The following CLSTN2 variants were observed in gnomAD, a reference collection of about 807,000 sequenced individuals.
CLSTN2 encodes calsyntenin-2.
In CLSTN2, 48 loss-of-function variants were observed where a neutral mutation model predicts 101.2. That is an observed-to-expected ratio of 0.47 (90% CI 0.38 to 0.60). The LOEUF (loss-of-function observed/expected upper bound fraction) is 0.60. Ranked by LOEUF, CLSTN2 falls within the 20% of genes least tolerant of loss-of-function variation. The probability of loss-of-function intolerance (pLI) is 0.00; values close to 1 mark genes in which losing one functional copy is unlikely to be tolerated. For missense variants in CLSTN2, 1,160 were observed against 1,238.2 expected, an observed-to-expected ratio of 0.94 and a Z score of 0.95; for synonymous variants, 481 against 463.6, an observed-to-expected ratio of 1.04 and a Z score of -0.48.
chr3:140,152,719 C>T (rs1478376892), intron 1 of CLSTN2, among the ~76,000 whole-genome samples: 1 of 152,146 alleles, frequency 6.6e-6, no homozygotes, highest in Non-Finnish European at 1.5e-5. Flanking sequence ...TACTGCTTTC[C>T]TTAACCCCTA....
At chr3:140,522,330 T>A (rs1380362201) in intron 8 of CLSTN2, among the ~76,000 whole-genome samples, 2 of 151,318 alleles carry the variant, frequency 1.3e-5, no homozygotes, top group Non-Finnish European at 2.9e-5. Context: ...ATTGGCCATG[T>A]TGGCCCCCAG....
intron 1 of CLSTN2, among the ~76,000 whole-genome samples, chr3:140,027,829 G>A (rs1008790135): frequency 6.6e-6 from 1 of 152,206 alleles, no homozygotes; most frequent in Non-Finnish European, 1.5e-5. Context: ...CAAAAGAGAA[G>A]GGATAGAGCA....
At chr3:140,019,341 G>T (rs1311783360) in intron 1 of CLSTN2, among the ~76,000 whole-genome samples, 1 of 152,126 alleles carries the variant, frequency 6.6e-6, no homozygotes, top group African/African-American at 2.4e-5. Flanking sequence ...ATCATTTGAA[G>T]GCCTGAATAG....
At chr3:140,463,537 G>C (rs752117286) in intron 7 of CLSTN2, among the ~76,000 whole-genome samples, 3 of 152,210 alleles carry the variant, frequency 2.0e-5, no homozygotes, top group Non-Finnish European at 4.4e-5. Flanking sequence ...TTTGCTGCCA[G>C]TTGGCTGAGC....
At chr3:140,236,863 G>A (rs1327208184) in intron 2 of CLSTN2, among the ~76,000 whole-genome samples, 2 of 119,302 alleles carry the variant, frequency 1.7e-5, no homozygotes, top group African/African-American at 7.3e-5. Context: ...GTGTGTGTGT[G>A]TATATAAATT....
chr3:140,220,392 A>G (rs960053908), intron 2 of CLSTN2, among the ~76,000 whole-genome samples: 55 of 152,234 alleles, frequency 3.6e-4, no homozygotes, highest in African/African-American at 1.0e-3. Context: ...GGGCATTAGC[A>G]GGACCATTAT....
chr3:140,290,680 T>C (rs2086938756), intron 2 of CLSTN2, among the ~76,000 whole-genome samples: 1 of 152,250 alleles, frequency 6.6e-6, no homozygotes, highest in Non-Finnish European at 1.5e-5. Flanking sequence ...GGTTGACCGC[T>C]AGCTTTGGAG....
In CLSTN2 at chr3:140,566,354, T is replaced by C. The variant is rs1936027555; in HGVS notation, c.*101T>C. 8.1e-7 allele frequency: 1 copy of C among 1,230,298 alleles called. No homozygotes were observed. The highest frequency in any genetic ancestry group is 2.7e-4 in the Middle Eastern group (1 of 3,640). 76.2% of individuals were successfully genotyped at this position (1,230,298 alleles called of 1,614,324 possible). On this transcript the variant is annotated 3_prime_UTR_variant, in exon 17 of 17. Transcript: ENST00000458420. The stretch of plus-strand genomic sequence containing the variant: ...CCTCACCTCTGATGTCTGTGACATG[T>C]CTGGGAAGGCCTTCTCCAGCTTCCT...
intron 2 of CLSTN2, among the ~76,000 whole-genome samples, chr3:140,319,029 A>G (rs938756964): frequency 6.6e-6 from 1 of 152,226 alleles, no homozygotes. Context: ...GAGTTAAATT[A>G]TCCCTGAATT....
chr3:140,347,388 G>A (rs1025440050), intron 2 of CLSTN2, among the ~76,000 whole-genome samples: 1 of 152,220 alleles, frequency 6.6e-6, no homozygotes, highest in Non-Finnish European at 1.5e-5. Flanking sequence ...TGTTAACAAG[G>A]AGGTGCTCCA....
intron 11 of CLSTN2, among the ~76,000 whole-genome samples, chr3:140,558,077 C>G (rs1184746081): frequency 6.6e-6 from 1 of 152,220 alleles, no homozygotes; most frequent in Non-Finnish European, 1.5e-5. Context: ...TTGTCTGTCT[C>G]AGACCTCGCT....
At position 140,556,700 on chromosome 3, in the gene CLSTN2, G is replaced by A. The variant is rs754185438; in HGVS notation, c.1823+39G>A. 11 of 1,601,546 alleles carry A rather than the reference G, an allele frequency of 6.9e-6. No individual in the cohort carries two copies. In the South Asian group the frequency reaches 1.2e-4, roughly 18 times the overall value. On this transcript the variant is annotated intron_variant, in intron 11 of 16. Transcript: ENST00000458420. ...GGTCAGCCTGGGGCCAACTGAGGCA[G>A]CAGTTGGGAAGGTCCCAACTGAGGT...
intron 2 of CLSTN2, among the ~76,000 whole-genome samples, chr3:140,186,873 T>C (rs2010492438): frequency 6.6e-6 from 1 of 152,118 alleles, no homozygotes; most frequent in African/African-American, 2.4e-5. Context: ...GGATTCTTTC[T>C]GCACATTAAT....
At chr3:140,549,793 C>T (rs939452414) in intron 10 of CLSTN2, among the ~76,000 whole-genome samples, 3 of 150,364 alleles carry the variant, frequency 2.0e-5, no homozygotes, top group Non-Finnish European at 4.4e-5. Flanking sequence ...TCCCACCTCT[C>T]TGGCTGGTCG....
chr3:140,442,262 G>A (rs892859942), intron 5 of CLSTN2, among the ~76,000 whole-genome samples: 7 of 151,992 alleles, frequency 4.6e-5, no homozygotes, highest in Admixed American at 3.9e-4. Flanking sequence ...CCTTTTTGGG[G>A]CTTTTACACT....
chr3:140,171,674 G>GTATTATA, intron 1 of CLSTN2, among the ~76,000 whole-genome samples: 2 of 11,988 alleles, frequency 1.7e-4, no homozygotes, highest in African/African-American at 4.2e-4. Flanking sequence ...TATATAATAT[G>GTATTATA]TATTATATAT....
intron 1 of CLSTN2, among the ~76,000 whole-genome samples, chr3:139,958,287 C>A (rs1486466591): frequency 1.3e-5 from 2 of 152,154 alleles, no homozygotes; most frequent in African/African-American, 4.8e-5. Flanking sequence ...ATATTGCTGG[C>A]CACTCTTGGG....
At chr3:140,176,101 C>A in intron 2 of CLSTN2, 28 bp downstream of exon 2, 1 of 1,611,526 alleles carries the variant, frequency 6.2e-7, no homozygotes, top group Non-Finnish European at 8.5e-7. Context: ...TACGGCTGGG[C>A]CTGGCTCACT....
intron 2 of CLSTN2, among the ~76,000 whole-genome samples, chr3:140,388,219 A>C (rs1043374313): frequency 1.3e-5 from 2 of 152,254 alleles, no homozygotes; most frequent in African/African-American, 2.4e-5. Flanking sequence ...GAGCAAAATA[A>C]ATATCTGCTG....
Sources: gnomAD v4.1 joint callset for allele counts (sites outside exome capture counted in the v4.1 genomes callset) on GRCh38, gnomAD v4.1.1 for gene constraint, MANE v1.5 for transcripts, NCBI Gene and HGNC (gene_info 2026-07-23, HGNC 2026-07-21) for gene names.